TMCC1: variants seen among roughly 807,000 people sequenced by gnomAD.
The protein encoded by TMCC1 is transmembrane and coiled-coil domains protein 1.
TMCC1 carries 15 observed loss-of-function variants against 52.4 expected under a neutral mutation model. That is an observed-to-expected ratio of 0.29 (90% CI 0.19 to 0.44). TMCC1 has a LOEUF of 0.44. Among genes scored for constraint, TMCC1 ranks in the 20% least tolerant of loss-of-function variants. The pLI is 1.00. For synonymous variants in TMCC1, 279 were observed against 301.9 expected, an observed-to-expected ratio of 0.92 and a Z score of 0.79; for missense variants, 503 against 806.0, an observed-to-expected ratio of 0.62 and a Z score of 4.55.
chr3:129,852,444 G>A (rs1433004499), intron 2 of TMCC1, among the ~76,000 whole-genome samples: 23 of 114,976 alleles, frequency 2.0e-4, no homozygotes, highest in African/African-American at 6.5e-4. Flanking sequence ...GTGACAGAAC[G>A]AGACACCGTC....
intron 4 of TMCC1, among the ~76,000 whole-genome samples, chr3:129,740,216 TG>T (rs1489079422): frequency 1.3e-5 from 2 of 152,340 alleles, no homozygotes; most frequent in African/African-American, 4.8e-5. Flanking sequence ...CCATCTCAGA[TG>T]TATTCTCCTA....
intron 4 of TMCC1, among the ~76,000 whole-genome samples, chr3:129,736,809 T>C (rs1203403178): frequency 6.6e-6 from 1 of 152,060 alleles, no homozygotes; most frequent in Non-Finnish European, 1.5e-5. Flanking sequence ...CGTGAGCCAC[T>C]GCGCCCGGCC....
At chr3:129,766,495 G>C (rs1286642759) in intron 4 of TMCC1, among the ~76,000 whole-genome samples, 1 of 152,188 alleles carries the variant, frequency 6.6e-6, no homozygotes, top group Non-Finnish European at 1.5e-5. Flanking sequence ...AGGCTTTAAA[G>C]TATTTAGCAC....
intron 2 of TMCC1, among the ~76,000 whole-genome samples, chr3:129,846,047 GA>G: frequency 6.6e-6 from 1 of 150,760 alleles, no homozygotes; most frequent in African/African-American, 2.4e-5. Context: ...AAAATAAAAA[GA>G]AAAAACAAAA....
At chr3:129,841,931 T>C (rs930842400) in intron 2 of TMCC1, among the ~76,000 whole-genome samples, 2 of 152,198 alleles carry the variant, frequency 1.3e-5, no homozygotes, top group Admixed American at 6.5e-5. Flanking sequence ...TTAAACCTCT[T>C]TTCTTTATAG....
intron 4 of TMCC1, among the ~76,000 whole-genome samples, chr3:129,795,024 G>T (rs1253173848): frequency 6.6e-6 from 1 of 152,188 alleles, no homozygotes; most frequent in East Asian, 1.9e-4. Context: ...GCTTTGTCTA[G>T]CATAATTGGC....
intron 4 of TMCC1, among the ~76,000 whole-genome samples, chr3:129,700,360 C>G (rs2047729481): frequency 6.6e-6 from 1 of 152,112 alleles, no homozygotes; most frequent in South Asian, 2.1e-4. Flanking sequence ...CTCAGTAATA[C>G]AAACCTAATA....
At chr3:129,893,409 C>G (rs927714106) in intron 1 of TMCC1, 85 bp downstream of exon 1, 2 of 152,236 alleles carry the variant, frequency 1.3e-5, no homozygotes, top group Non-Finnish European at 2.9e-5. Context: ...AGGCCACGCT[C>G]CCTCACGACT....
intron 2 of TMCC1, among the ~76,000 whole-genome samples, chr3:129,841,875 T>C (rs1355813232): frequency 6.6e-6 from 1 of 152,212 alleles, no homozygotes; most frequent in Non-Finnish European, 1.5e-5. Flanking sequence ...CTGCCATGAT[T>C]ATAAGTTTCC....
At chr3:129,742,623 T>C (rs1338475372) in intron 4 of TMCC1, among the ~76,000 whole-genome samples, 1 of 152,164 alleles carries the variant, frequency 6.6e-6, no homozygotes, top group African/African-American at 2.4e-5. Context: ...AGGTATGGCA[T>C]GTTTGGAAAA....
At chr3:129,735,157 T>TC (rs1388859805) in intron 4 of TMCC1, among the ~76,000 whole-genome samples, 1 of 152,164 alleles carries the variant, frequency 6.6e-6, no homozygotes, top group Non-Finnish European at 1.5e-5. Context: ...CGCCTTGGCC[T>TC]CCCAAAGTGT....
intron 4 of TMCC1, among the ~76,000 whole-genome samples, chr3:129,757,125 A>C (rs1212828925): frequency 6.6e-6 from 1 of 152,184 alleles, no homozygotes; most frequent in Admixed American, 6.5e-5. Flanking sequence ...AAAACCTAAC[A>C]GTCAACACCA....
At chr3:129,882,300 T>G (rs1448340065) in intron 1 of TMCC1, among the ~76,000 whole-genome samples, 1 of 150,674 alleles carries the variant, frequency 6.6e-6, no homozygotes, top group Non-Finnish European at 1.5e-5. Context: ...AAATCAAAAC[T>G]ACAATCAGAT....
chr3:129,855,140 A>G (rs1451727872), intron 2 of TMCC1, among the ~76,000 whole-genome samples: 5 of 152,238 alleles, frequency 3.3e-5, no homozygotes, highest in Non-Finnish European at 4.4e-5. Flanking sequence ...AAGATAATGA[A>G]GTTTACTTAT....
At chr3:129,740,096 A>T (rs2051329574) in intron 4 of TMCC1, among the ~76,000 whole-genome samples, 1 of 152,238 alleles carries the variant, frequency 6.6e-6, no homozygotes, top group Admixed American at 6.5e-5. Context: ...AAGTGAGAAC[A>T]GCTCAGGTCT....
chr3:129,719,948 A>T (rs1056192136), intron 4 of TMCC1, among the ~76,000 whole-genome samples: 8 of 152,240 alleles, frequency 5.3e-5, no homozygotes, highest in African/African-American at 1.7e-4. Context: ...GGAGGCCAAA[A>T]GGCAGGAGGA....
rs543696911 is a variant in TMCC1, at chr3:129,821,133, A to C, written c.576+6670T>G. ...TTTTGACAGCCTGTATCATTCTAAGATCTATATTCTCTGCCTTTATATTAC... is the reference window on the plus strand; with the variant it reads ...TTTTGACAGCCTGTATCATTCTAAGCTCTATATTCTCTGCCTTTATATTAC... On this transcript the variant is annotated intron_variant, in intron 4 of 6. Coordinates refer to ENST00000393238, the MANE Select transcript of TMCC1 (RefSeq NM_001017395.5). Among the ~76,000 whole-genome samples, 6 of 152,238 alleles carry C rather than the reference A, an allele frequency of 3.9e-5. No homozygotes were observed. In the South Asian group the frequency reaches 1.2e-3, roughly 32 times the overall value.
At chr3:129,814,357 T>C (rs371782482) in intron 4 of TMCC1, among the ~76,000 whole-genome samples, 3 of 152,308 alleles carry the variant, frequency 2.0e-5, no homozygotes, top group East Asian at 3.9e-4. Context: ...TAACTTGTTA[T>C]GTTTGTTGTA....
At chr3:129,807,879 A>C (rs1198797819) in intron 4 of TMCC1, among the ~76,000 whole-genome samples, 1 of 152,148 alleles carries the variant, frequency 6.6e-6, no homozygotes, top group Non-Finnish European at 1.5e-5. Flanking sequence ...AATAAACCAA[A>C]AAGAGGATAT....
Sources: gnomAD v4.1 joint callset for allele counts (sites outside exome capture counted in the v4.1 genomes callset) on GRCh38, gnomAD v4.1.1 for gene constraint, MANE v1.5 for transcripts, NCBI Gene and HGNC (gene_info 2026-07-23, HGNC 2026-07-21) for gene names.